Variants in SDK1 observed in about 807,000 individuals in gnomAD.
SDK1 encodes the protein protein sidekick-1.
A neutral mutation model predicts 245.5 loss-of-function variants in SDK1; 157 were observed. That is an observed-to-expected ratio of 0.64 (90% CI 0.56 to 0.73). SDK1 has a LOEUF of 0.73. Among genes scored for constraint, SDK1 ranks in the 30% least tolerant of loss-of-function variants. The pLI, the probability that SDK1 is intolerant of heterozygous loss-of-function variation, is 0.00. For missense variants in SDK1, 3,583 were observed against 3,002.3 expected (o/e 1.19, Z -4.52); for synonymous variants, 1,647 against 1,278.5 (o/e 1.29, Z -6.15).
chr7:3,422,964 T>A (rs1779573379), intron 1 of SDK1, among the ~76,000 whole-genome samples: 1 of 152,240 alleles, frequency 6.6e-6, no homozygotes, highest in African/African-American at 2.4e-5. Flanking sequence ...GCTGGCTAAT[T>A]TATATACCTG....
intron 32 of SDK1, among the ~76,000 whole-genome samples, chr7:4,169,645 A>G (rs1781716681): frequency 6.6e-6 from 1 of 152,210 alleles, no homozygotes; most frequent in Admixed American, 6.5e-5. Context: ...TGAGACGGCA[A>G]GGCTGGAATA....
chr7:4,005,812 C>T (rs1452733026), intron 14 of SDK1, among the ~76,000 whole-genome samples: 1 of 152,200 alleles, frequency 6.6e-6, no homozygotes, highest in Non-Finnish European at 1.5e-5. Context: ...AGACAGATTG[C>T]TTGAGTCCAG....
At chr7:3,443,237 G>A (rs1309368898) in intron 1 of SDK1, among the ~76,000 whole-genome samples, 1 of 152,076 alleles carries the variant, frequency 6.6e-6, no homozygotes, top group African/African-American at 2.4e-5. Context: ...CTAATTAACA[G>A]TTTATTTTAT....
At chr7:3,520,877 A>T (rs1298148781) in intron 1 of SDK1, among the ~76,000 whole-genome samples, 1 of 152,170 alleles carries the variant, frequency 6.6e-6, no homozygotes, top group Non-Finnish European at 1.5e-5. Flanking sequence ...ATAATAAATT[A>T]CCACAAATTG....
At chr7:4,151,685 G>T (rs923127110) in intron 30 of SDK1, among the ~76,000 whole-genome samples, 3 of 152,126 alleles carry the variant, frequency 2.0e-5, no homozygotes, top group African/African-American at 7.2e-5. Context: ...TCTAGCACCT[G>T]TCATTTTCAA....
chr7:3,942,550 G>A (rs1201688403), intron 5 of SDK1, among the ~76,000 whole-genome samples: 1 of 152,108 alleles, frequency 6.6e-6, no homozygotes, highest in African/African-American at 2.4e-5. Flanking sequence ...GCTCAACATT[G>A]AGCTTTTAAA....
At chr7:4,139,569 A>G (rs13311645) in intron 28 of SDK1, among the ~76,000 whole-genome samples, 88 of 8,236 alleles carry the variant, frequency 0.011, 7 homozygotes, top group South Asian at 0.039. Context: ...ATATGTGTGT[A>G]TATGTGTGTG....
chr7:3,539,214 C>G (rs1261868012), intron 1 of SDK1, among the ~76,000 whole-genome samples: 1 of 152,086 alleles, frequency 6.6e-6, no homozygotes, highest in Non-Finnish European at 1.5e-5. Flanking sequence ...CTCACTTGGA[C>G]CTATCAAGGA....
At chr7:3,715,036 C>G (rs534171410) in intron 4 of SDK1, among the ~76,000 whole-genome samples, 4 of 152,220 alleles carry the variant, frequency 2.6e-5, no homozygotes, top group Admixed American at 1.3e-4. Flanking sequence ...AGAGAGAATA[C>G]TCATCTCTCA....
At chr7:4,173,001 C>T (rs567461718) in intron 32 of SDK1, among the ~76,000 whole-genome samples, 6 of 152,320 alleles carry the variant, frequency 3.9e-5, no homozygotes, top group African/African-American at 7.2e-5. Context: ...TAGACTTGAG[C>T]GTGTCTTTTA....
chr7:3,763,511 T>G (rs1780165176), intron 4 of SDK1, among the ~76,000 whole-genome samples: 1 of 152,194 alleles, frequency 6.6e-6, no homozygotes, highest in Non-Finnish European at 1.5e-5. Context: ...TTGATACATT[T>G]CAAAGCTGCA....
intron 1 of SDK1, among the ~76,000 whole-genome samples, chr7:3,395,257 A>C (rs1455613102): frequency 6.6e-6 from 1 of 151,942 alleles, no homozygotes; most frequent in Non-Finnish European, 1.5e-5. Flanking sequence ...ATTCTGTATT[A>C]ATATGATGCA....
intron 4 of SDK1, among the ~76,000 whole-genome samples, chr7:3,658,211 C>G (rs1399698009): frequency 1.3e-5 from 2 of 152,134 alleles, no homozygotes; most frequent in African/African-American, 2.4e-5. Context: ...ACTGTCATAG[C>G]CGTGAGGTGG....
intron 5 of SDK1, among the ~76,000 whole-genome samples, chr7:3,848,159 CTATAA>C (rs1422596380): frequency 5.3e-5 from 8 of 152,148 alleles, no homozygotes; most frequent in Non-Finnish European, 8.8e-5. Flanking sequence ...GATCAGGATT[CTATAA>C]TATATTACAA....
At chr7:3,310,121 T>G (rs546294879) in intron 1 of SDK1, among the ~76,000 whole-genome samples, 1 of 152,346 alleles carries the variant, frequency 6.6e-6, no homozygotes, top group Admixed American at 6.5e-5. Context: ...CTTCTGTGTC[T>G]GTGCTGGCAT....
intron 32 of SDK1, among the ~76,000 whole-genome samples, chr7:4,168,083 C>T (rs1183898881): frequency 6.6e-6 from 1 of 152,202 alleles, no homozygotes; most frequent in Non-Finnish European, 1.5e-5. Flanking sequence ...CCTGTGCAGG[C>T]AGGCCCGGGC....
chr7:3,479,458 C>G (rs900374553), intron 1 of SDK1, among the ~76,000 whole-genome samples: 13 of 149,964 alleles, frequency 8.7e-5, no homozygotes, highest in African/African-American at 2.9e-4. Context: ...TATCTATTGT[C>G]CAATTGGTGG....
At chr7:3,930,421 G>C (rs77326065) in intron 5 of SDK1, among the ~76,000 whole-genome samples, 1 of 152,098 alleles carries the variant, frequency 6.6e-6, no homozygotes, top group Non-Finnish European at 1.5e-5. Context: ...GCTGAATCAC[G>C]TACACACACA....
At chr7:3,914,463 G>C (rs1462967170) in intron 5 of SDK1, among the ~76,000 whole-genome samples, 1 of 152,188 alleles carries the variant, frequency 6.6e-6, no homozygotes, top group Admixed American at 6.5e-5. Context: ...GAAAACCTAA[G>C]ATTAACGGCT....
Sources: allele counts gnomAD v4.1 joint callset (sites outside exome capture counted in the v4.1 genomes callset), GRCh38; gene constraint gnomAD v4.1.1; transcripts MANE v1.5; gene names NCBI Gene and HGNC (gene_info 2026-07-23, HGNC 2026-07-21).